The following PTPRB variants were observed in gnomAD, a reference collection of about 807,000 sequenced individuals.
PTPRB encodes the protein protein tyrosine phosphatase receptor type B.
Under a neutral mutation model 238.1 loss-of-function variants are expected in PTPRB, and 97 were observed. The ratio of observed to expected loss-of-function variants is 0.41; its 90% CI spans 0.35 to 0.48. The LOEUF (loss-of-function observed/expected upper bound fraction) is 0.48. PTPRB is among the 20% of genes least tolerant of loss of function. The probability of loss-of-function intolerance (pLI) is 0.30; values close to 1 mark genes in which losing one functional copy is unlikely to be tolerated. For missense variants in PTPRB, 2,292 were observed against 2,681.9 expected (o/e 0.85, Z 3.21); for synonymous variants, 970 against 995.4 (o/e 0.97, Z 0.48).
chr12:70,559,467 T>A lies in PTPRB; in HGVS notation c.4590A>T (p.Arg1530Ser), dbSNP rs1331958594. 6.2e-7 allele frequency: 1 copy of A among 1,613,902 alleles called. No homozygotes were observed. Among genetic ancestry groups the A allele is most frequent in the Non-Finnish European group, 8.5e-7 (1 of 1,179,898 alleles). Residue 1530 changes from arginine (R) to serine (S), a missense_variant, in exon 18 of 34, where the codon AGA becomes AGT. Arg to Ser is a moderately radical substitution (Grantham distance 110, BLOSUM62 -1). This residue lies in a region of PTPRB where 683 missense variants were observed against 862.0 expected (regional missense o/e 0.79). Coordinates refer to ENST00000334414, the MANE Select transcript of PTPRB (RefSeq NM_001109754.4). ...CATACACAATGCGTCCTTCTGATTT[T>A]CTGTTGTTGTAGGGGTTGAAGACAG... ...ALTVFNPYNN[R>S]KSEGRIVYGL...
chr12:70,532,278 G>T, intron 31 of PTPRB, 108 bp from the exon 32 acceptor site: 1 of 1,291,974 alleles, frequency 7.7e-7, no homozygotes, highest in Non-Finnish European at 1.0e-6. Flanking sequence ...AGTTATGGGA[G>T]AAGATAGGAA....
Position 70,540,006 on chromosome 12 carries a change from G to A in PTPRB, c.5611C>T (p.Pro1871Ser), listed in dbSNP as rs772512926. 1 of 1,608,966 alleles carries A rather than the reference G, an allele frequency of 6.2e-7. No individual in the cohort carries two copies. The highest frequency in any genetic ancestry group is 8.5e-7 in the Non-Finnish European group (1 of 1,175,454). Residue 1871 changes from proline to serine, a missense_variant, in exon 24 of 34, where the codon CCC becomes TCC. By Grantham distance (74) the Pro-to-Ser change is moderately conservative. Around this residue, in one of 4 missense-constraint regions of PTPRB, gnomAD observed 397 missense variants for 502.0 expected, o/e 0.79. Transcript: ENST00000334414. ...RQKVSHGRERPSARLSIRRDR... is the reference protein window; with the variant it reads ...RQKVSHGRERSSARLSIRRDR... ...CTACGAATGCTCAGACGGGCAGAGG[G>A]TCTTTCTCGACCATGGCTGAAACAT...
chr12:70,578,311 TGAG>T (rs1317725380), intron 10 of PTPRB, among the ~76,000 whole-genome samples: 31 of 152,336 alleles, frequency 2.0e-4, no homozygotes, highest in East Asian at 1.9e-4. Context: ...TTCAGCAATT[TGAG>T]GAGATGATAA....
chr12:70,630,639 G>T (rs1885409574), intron 2 of PTPRB, among the ~76,000 whole-genome samples: 2 of 152,222 alleles, frequency 1.3e-5, no homozygotes, highest in South Asian at 2.1e-4. Context: ...GTCCCTGTTT[G>T]CAGATGACAT....
intron 2 of PTPRB, among the ~76,000 whole-genome samples, chr12:70,630,655 T>C (rs1885411027): frequency 6.6e-6 from 1 of 152,248 alleles, no homozygotes; most frequent in African/African-American, 2.4e-5. Flanking sequence ...GACATGATTG[T>C]ATATTTAGAA....
chr12:70,579,438 C>T (rs1361748867), intron 10 of PTPRB, among the ~76,000 whole-genome samples: 1 of 152,146 alleles, frequency 6.6e-6, no homozygotes, highest in African/African-American at 2.4e-5. Context: ...GTGGCTCACA[C>T]CTGTGATCCC....
intron 2 of PTPRB, among the ~76,000 whole-genome samples, chr12:70,629,521 T>C (rs1244692361): frequency 6.6e-6 from 1 of 151,830 alleles, no homozygotes; most frequent in Admixed American, 6.6e-5. Context: ...CAACCTAACA[T>C]CACAATTAAA....
intron 28 of PTPRB, chr12:70,537,940 T>C (rs1234913168): frequency 4.3e-6 from 2 of 469,616 alleles, no homozygotes; most frequent in South Asian, 4.0e-5. Flanking sequence ...CATCTTGGGC[T>C]CATAATTTCA....
At chr12:70,542,061 C>T (rs1875214912) in intron 22 of PTPRB, 1 of 152,210 alleles carries the variant, frequency 6.6e-6, no homozygotes, top group African/African-American at 2.4e-5. Context: ...TTTACATTCT[C>T]ATAAGCAGTG....
At chr12:70,587,890 C>T (rs1882079746) in intron 8 of PTPRB, among the ~76,000 whole-genome samples, 1 of 151,646 alleles carries the variant, frequency 6.6e-6, no homozygotes, top group Admixed American at 6.6e-5. Context: ...CACTTGAGGT[C>T]AGGAGTTTGA....
At chr12:70,563,473 G>GCT (rs1878782221) in intron 15 of PTPRB, among the ~76,000 whole-genome samples, 1 of 152,104 alleles carries the variant, frequency 6.6e-6, no homozygotes, top group Admixed American at 6.5e-5. Flanking sequence ...TCTTTCTCAG[G>GCT]CTCTCTTTGC....
intron 25 of PTPRB, 23 bp from the exon 26 acceptor site, chr12:70,539,729 CA>C (rs759436941): frequency 6.2e-7 from 1 of 1,600,054 alleles, no homozygotes; most frequent in Non-Finnish European, 8.6e-7. Flanking sequence ...ATGAAACAAA[CA>C]GAAAAGAGTT....
In PTPRB at chr12:70,576,662, TGGGGGGCGGGGGGG is replaced by T; in HGVS notation, c.2579-31_2579-18del. 18 of 14,734 alleles carry T rather than the reference TGGGGGGCGGGGGGG, an allele frequency of 1.2e-3. No homozygotes were observed. Among genetic ancestry groups the T allele is most frequent in the South Asian group, 6.3e-3 (1 of 158 alleles). 0.9% of individuals were successfully genotyped at this position (14,734 alleles called of 1,614,324 possible). A position where few individuals can be genotyped will look rare whatever the true frequency, so the allele number is the denominator to read the frequency against. ...TGGAAGGGACTGTGATTTTGAAAGG[TGGGGGGCGGGGGGG>T]GGGGGGAAGGGGGATTCAAAAAGAA... On this transcript the variant is annotated intron_variant, in intron 10 of 33. Transcript: ENST00000334414.
rs1862121584 is a variant in PTPRB, at chr12:70,580,505, T to C, written c.2578+531A>G. ...TAAGTCTAGACATCGAGTGAGGAGTTCTTACATGTTCATTGGAGATGTTAA... is the reference window on the plus strand; with the variant it reads ...TAAGTCTAGACATCGAGTGAGGAGTCCTTACATGTTCATTGGAGATGTTAA... On this transcript the variant is annotated intron_variant, in intron 10 of 33. Coordinates refer to ENST00000334414, the MANE Select transcript of PTPRB (RefSeq NM_001109754.4). 2.6e-5 allele frequency among the ~76,000 whole-genome samples: 4 copies of C among 152,174 alleles called. No individual in the cohort carries two copies. In the South Asian group the frequency reaches 8.3e-4, roughly 31 times the overall value.
intron 4 of PTPRB, among the ~76,000 whole-genome samples, chr12:70,599,817 T>C (rs534596598): frequency 6.6e-6 from 1 of 152,212 alleles, no homozygotes; most frequent in South Asian, 2.1e-4. Flanking sequence ...TAAATGTGAC[T>C]TAGGAAGCCA....
intron 33 of PTPRB, among the ~76,000 whole-genome samples, chr12:70,523,174 G>A (rs1348110937): frequency 6.6e-6 from 1 of 151,494 alleles, no homozygotes; most frequent in Non-Finnish European, 1.5e-5. Context: ...TTTGTTTTTT[G>A]AGATACAATC....
intron 2 of PTPRB, among the ~76,000 whole-genome samples, chr12:70,627,460 G>A (rs1374121621): frequency 6.6e-6 from 1 of 152,092 alleles, no homozygotes; most frequent in African/African-American, 2.4e-5. Context: ...CAAAGAAAAT[G>A]TTTTAACTTT....
At chr12:70,604,281 A>C (rs1321724743) in intron 4 of PTPRB, among the ~76,000 whole-genome samples, 3 of 152,196 alleles carry the variant, frequency 2.0e-5, no homozygotes, top group Non-Finnish European at 4.4e-5. Context: ...AAAGAAGCAC[A>C]AAACAAATAC....
intron 3 of PTPRB, among the ~76,000 whole-genome samples, chr12:70,610,262 C>T (rs1884358271): frequency 6.6e-6 from 1 of 152,192 alleles, no homozygotes; most frequent in African/African-American, 2.4e-5. Context: ...GGCCAGGGGT[C>T]CGGTCCGGCT....
Sources: gnomAD v4.1 joint callset for allele counts (sites outside exome capture counted in the v4.1 genomes callset) on GRCh38, gnomAD v4.1.1 for gene constraint, gnomAD v4.1.1 regional missense constraint, MANE v1.5 for transcripts, NCBI Gene and HGNC (gene_info 2026-07-23, HGNC 2026-07-21) for gene names.